The following ANKRD31 variants were observed in gnomAD, a reference collection of about 807,000 sequenced individuals.
ANKRD31 encodes ankyrin repeat domain 31, also known as ankyrin repeat domain-containing protein 31.
A neutral mutation model predicts 186.0 loss-of-function variants in ANKRD31; 147 were observed. The ratio of observed to expected loss-of-function variants is 0.79; its 90% CI spans 0.69 to 0.91. The LOEUF is 0.91. ANKRD31 is among the 40% of genes least tolerant of loss of function. The pLI is 0.00. For synonymous variants in ANKRD31, 673 were observed against 736.4 expected (o/e 0.91, Z 1.39); for missense variants, 1,986 against 2,148.8 (o/e 0.92, Z 1.50).
chr5:75,082,016 A>G (rs922416327), intron 24 of ANKRD31, among the ~76,000 whole-genome samples: 1 of 152,246 alleles, frequency 6.6e-6, no homozygotes, highest in African/African-American at 2.4e-5. Flanking sequence ...ATGAACTACT[A>G]CAAGAACTCT....
chr5:75,130,448 T>G (rs562584055), intron 17 of ANKRD31, among the ~76,000 whole-genome samples: 1 of 152,310 alleles, frequency 6.6e-6, no homozygotes, highest in Admixed American at 6.5e-5. Context: ...ATTGGTCCAC[T>G]TTAAAGAGAG....
At chr5:75,195,480 A>G in intron 7 of ANKRD31, 151 bp downstream of exon 7, 1 of 642,218 alleles carries the variant, frequency 1.6e-6, no homozygotes, top group East Asian at 2.8e-5. Flanking sequence ...ATTTGATTTT[A>G]ACACAATGAA....
intron 1 of ANKRD31, among the ~76,000 whole-genome samples, chr5:75,231,229 C>G (rs189787533): frequency 1.0e-3 from 156 of 151,478 alleles, no homozygotes; most frequent in African/African-American, 3.7e-3. Flanking sequence ...ACCACCATGC[C>G]TGGCTATTTT....
chr5:75,131,296 G>A (rs373153882), intron 17 of ANKRD31, among the ~76,000 whole-genome samples: 22 of 152,198 alleles, frequency 1.4e-4, no homozygotes, highest in East Asian at 3.9e-4. Flanking sequence ...AGGAGGCACC[G>A]AGAGCGAGCG....
At chr5:75,072,168 T>C (rs906425406) in intron 25 of ANKRD31, among the ~76,000 whole-genome samples, 2 of 152,232 alleles carry the variant, frequency 1.3e-5, no homozygotes, top group Non-Finnish European at 2.9e-5. Context: ...ACCTCTATTT[T>C]TGCCTTTTTG....
intron 7 of ANKRD31, among the ~76,000 whole-genome samples, chr5:75,194,339 C>A (rs1165592503): frequency 3.3e-5 from 5 of 152,052 alleles, no homozygotes; most frequent in Non-Finnish European, 7.4e-5. Flanking sequence ...TAATACCAAT[C>A]ATAATTTCCT....
At chr5:75,230,187 G>A (rs2150320675) in intron 2 of ANKRD31, among the ~76,000 whole-genome samples, 1 of 152,196 alleles carries the variant, frequency 6.6e-6, no homozygotes, top group African/African-American at 2.4e-5. Context: ...CCAGTCCGGG[G>A]TTGGTTCCTG....
chr5:75,122,611 G>A (rs1302911243), intron 17 of ANKRD31, among the ~76,000 whole-genome samples: 2 of 152,128 alleles, frequency 1.3e-5, no homozygotes, highest in African/African-American at 4.8e-5. Flanking sequence ...TTCCAGGGAT[G>A]CAAGGATGGC....
chr5:75,206,633 A>G (rs1175975067), intron 4 of ANKRD31, 146 bp from the exon 5 acceptor site: 5 of 359,124 alleles, frequency 1.4e-5, no homozygotes, highest in African/African-American at 1.0e-4. Context: ...TATTTTTACA[A>G]TTATTACCAA....
chr5:75,096,596 C>T (rs900249124), intron 22 of ANKRD31, among the ~76,000 whole-genome samples: 1 of 152,014 alleles, frequency 6.6e-6, no homozygotes, highest in East Asian at 1.9e-4. Context: ...TGTGCCTATG[C>T]CCCAAGTGGT....
intron 3 of ANKRD31, among the ~76,000 whole-genome samples, chr5:75,216,313 A>G (rs1271468437): frequency 6.6e-6 from 1 of 152,162 alleles, no homozygotes; most frequent in Admixed American, 6.6e-5. Context: ...CCACCCAAGT[A>G]TGGGTCTGAG....
chr5:75,220,119 G>T (rs1324613050), intron 3 of ANKRD31, among the ~76,000 whole-genome samples: 1 of 152,026 alleles, frequency 6.6e-6, no homozygotes, highest in Non-Finnish European at 1.5e-5. Context: ...GCAATCACAA[G>T]AAAAACAAAA....
intron 1 of ANKRD31, among the ~76,000 whole-genome samples, chr5:75,230,974 G>A (rs1757916806): frequency 6.6e-6 from 1 of 152,014 alleles, no homozygotes; most frequent in Non-Finnish European, 1.5e-5. Flanking sequence ...AGTGCTGGTG[G>A]GTTTTTTCCC....
chr5:75,161,653 A>T (rs1240450740), intron 11 of ANKRD31, among the ~76,000 whole-genome samples: 4 of 152,194 alleles, frequency 2.6e-5, no homozygotes, highest in African/African-American at 9.7e-5. Context: ...TCTTCACAGC[A>T]GCCCCTCCCA....
At chr5:75,232,568 T>G (rs1580607856) in intron 1 of ANKRD31, among the ~76,000 whole-genome samples, 1 of 45,162 alleles carries the variant, frequency 2.2e-5, no homozygotes, top group African/African-American at 5.6e-4. Flanking sequence ...TTTGTGTGTT[T>G]TTTTTTTTTA....
chr5:75,138,272 T>C (rs1580412510), intron 16 of ANKRD31, among the ~76,000 whole-genome samples: 1 of 152,132 alleles, frequency 6.6e-6, no homozygotes, highest in East Asian at 1.9e-4. Context: ...TAAATACTAC[T>C]CATTTTGATT....
At chr5:75,179,457 T>C (rs1376664120) in intron 10 of ANKRD31, among the ~76,000 whole-genome samples, 3 of 152,142 alleles carry the variant, frequency 2.0e-5, no homozygotes, top group Middle Eastern at 3.2e-3. Context: ...ACCAATATCC[T>C]TGATGAACAT....
At chr5:75,080,458 A>G in intron 25 of ANKRD31, 110 bp downstream of exon 25, 1 of 589,402 alleles carries the variant, frequency 1.7e-6, no homozygotes, top group Admixed American at 3.8e-5. Flanking sequence ...TATTTATAAT[A>G]TGGAGTGATA....
intron 25 of ANKRD31, among the ~76,000 whole-genome samples, chr5:75,078,016 GCAGA>G (rs749221674): frequency 7.1e-4 from 107 of 151,728 alleles, no homozygotes; most frequent in Non-Finnish European, 6.6e-4. Flanking sequence ...CTGCCACATG[GCAGA>G]CAATCAACAA....
Sources: allele counts gnomAD v4.1 joint callset (sites outside exome capture counted in the v4.1 genomes callset), GRCh38; gene constraint gnomAD v4.1.1; transcripts MANE v1.5; gene names NCBI Gene and HGNC (gene_info 2026-07-23, HGNC 2026-07-21).